The following UGT2B15 variants were observed in gnomAD, a reference collection of about 807,000 sequenced individuals.
UGT2B15 encodes UDP-glucuronosyltransferase 2B15.
Under a neutral mutation model 45.9 loss-of-function variants are expected in UGT2B15, and 36 were observed. That is an observed-to-expected ratio of 0.78 (90% CI 0.60 to 1.04). The LOEUF (loss-of-function observed/expected upper bound fraction) is 1.04. Among genes scored for constraint, UGT2B15 ranks in the 50% least tolerant of loss-of-function variants. The probability of loss-of-function intolerance (pLI) is 0.00; values close to 1 mark genes in which losing one functional copy is unlikely to be tolerated. For missense variants in UGT2B15, 617 were observed against 622.4 expected (o/e 0.99, Z 0.09); for synonymous variants, 219 against 216.4 (o/e 1.01, Z -0.11).
chr4:68,654,733 C>G (rs557390328), intron 4 of UGT2B15, among the ~76,000 whole-genome samples: 1 of 151,650 alleles, frequency 6.6e-6, no homozygotes, highest in African/African-American at 2.4e-5. Context: ...GAAAAGTGTC[C>G]GCTATTTTTC....
intron 3 of UGT2B15, among the ~76,000 whole-genome samples, chr4:68,659,481 T>G (rs146835075): frequency 6.6e-6 from 1 of 152,126 alleles, no homozygotes; most frequent in African/African-American, 2.4e-5. Context: ...GAGCTGTATT[T>G]ATATAAGTAT....
chr4:68,655,331 A>G lies in UGT2B15; in HGVS notation c.1006-149T>C, dbSNP rs1732773361. The G allele has an allele frequency of 1.3e-5, 13 of 1,021,056 alleles. No homozygotes were observed. The South Asian group carries it at 2.1e-4, about 17-fold the overall frequency. The allele number at this position is 1,021,056 out of a possible 1,614,324, so 63.2% of individuals were successfully genotyped here. Reference sequence around the variant, plus strand: ...GTGATGTCAAGTAATGAGAACTACTAAAAGTTTGAGGTAAGTTGAATACCC... The same window carrying G: ...GTGATGTCAAGTAATGAGAACTACTGAAAGTTTGAGGTAAGTTGAATACCC... On this transcript the variant is annotated intron_variant, in intron 3 of 5. Coordinates refer to ENST00000338206, the MANE Select transcript of UGT2B15 (RefSeq NM_001076.4).
Position 68,654,363 on chromosome 4 carries a change from T to C in UGT2B15, c.1094-107A>G. 3 of 1,063,360 alleles carry C rather than the reference T, an allele frequency of 2.8e-6. No homozygotes were observed. The South Asian group carries it at 5.7e-5, about 20-fold the overall frequency. The allele number at this position is 1,063,360 out of a possible 1,614,324, so 65.9% of individuals were successfully genotyped here. A position where few individuals can be genotyped will look rare whatever the true frequency, so the allele number is the denominator to read the frequency against. ...AAGCAAAACTGTTCCCTAGGTAACATTATACCCACAAAACTGCATTGAAAT... is the reference window on the plus strand; with the variant it reads ...AAGCAAAACTGTTCCCTAGGTAACACTATACCCACAAAACTGCATTGAAAT... On this transcript the variant is annotated intron_variant, in intron 4 of 5. Coordinates refer to ENST00000338206, the MANE Select transcript of UGT2B15 (RefSeq NM_001076.4).
At chr4:68,647,718 A>AT (rs879594465) in intron 5 of UGT2B15, among the ~76,000 whole-genome samples, 23 of 151,520 alleles carry the variant, frequency 1.5e-4, no homozygotes, top group South Asian at 1.0e-3. Flanking sequence ...GATCTTTTTA[A>AT]TTTTTTTTTA....
In UGT2B15 at chr4:68,655,101, G is replaced by A. The variant is rs369450796; in HGVS notation, c.1087C>T (p.Leu363Phe). The change falls in exon 4 of 6, where the codon CTT (leucine) becomes TTT (phenylalanine). Residue 363 changes from leucine (L) to phenylalanine (F), a missense_variant. Leu to Phe is a conservative substitution (Grantham distance 22). Transcript: ENST00000338206. ...TTGTTCTCCAGAATCTTACCAAGAA[G>A]GTCATTCTGGGGTAACCACTTGTAC... ...RLYKWLPQND[L>F]LGHPKTKAFI... 5.6e-6 allele frequency: 9 copies of A among 1,612,950 alleles called. No individual in the cohort carries two copies. The African/African-American group carries it at 1.1e-4, about 19-fold the overall frequency.
chr4:68,659,681 T>G (rs1223014609), intron 3 of UGT2B15, among the ~76,000 whole-genome samples: 8 of 152,032 alleles, frequency 5.3e-5, no homozygotes, highest in African/African-American at 9.7e-5. Flanking sequence ...ATTGTTGTCT[T>G]ACTTTGGTCC....
At position 68,647,265 on chromosome 4, in the gene UGT2B15, G is replaced by A. The variant is rs774308500; in HGVS notation, c.1432C>T (p.Arg478Ter). Residue 478 changes from arginine (R) to a stop codon, truncating the protein, a stop_gained, in exon 6 of 6, where the codon CGA becomes TGA. Transcript: ENST00000338206. LOFTEE classifies it low-confidence loss of function (END_TRUNC). ...VMRHKGAKHL[R>*]VAAHNLTWIQ... is the part of the protein sequence containing the mutation. ...CAGGTGAGGTTGTGAGCTGCGACTC[G>A]AAGGTGCTTGGCTCCTTTGTGGCGC... 50 of 1,613,890 alleles carry A rather than the reference G, an allele frequency of 3.1e-5. 2 individuals are homozygous for A. Among genetic ancestry groups the A allele is most frequent in the Admixed American group, 2.7e-4 (16 of 59,982 alleles).
intron 3 of UGT2B15, among the ~76,000 whole-genome samples, chr4:68,660,037 C>T (rs1460985305): frequency 2.0e-5 from 3 of 147,726 alleles, no homozygotes; most frequent in Non-Finnish European, 3.0e-5. Flanking sequence ...TTTCCCTCTA[C>T]CTGATTTTTC....
chr4:68,670,537 C>T lies in UGT2B15; in HGVS notation c.82G>A (p.Val28Met). Residue 28 changes from valine (V) to methionine (M), a missense_variant, in exon 1 of 6, where the codon GTG becomes ATG. Physicochemically the swap from Val to Met is conservative, Grantham distance 21. Coordinates refer to ENST00000338206, the MANE Select transcript of UGT2B15 (RefSeq NM_001076.4). Reference sequence around the variant, plus strand: ...CAATGGCTGTATTCTGTGGGCCACACTAGCACCTTTCCACAGCTTCCAGAG... The same window carrying T: ...CAATGGCTGTATTCTGTGGGCCACATTAGCACCTTTCCACAGCTTCCAGAG... ...FSSGSCGKVL[V>M]WPTEYSHWIN... 4 of 1,610,546 alleles carry T rather than the reference C, an allele frequency of 2.5e-6. No homozygotes were observed. The highest frequency in any genetic ancestry group is 3.4e-6 in the Non-Finnish European group (4 of 1,179,306).
intron 3 of UGT2B15, among the ~76,000 whole-genome samples, chr4:68,660,292 G>C (rs1732925790): frequency 6.7e-6 from 1 of 150,112 alleles, no homozygotes; most frequent in East Asian, 2.0e-4. Context: ...CAGGGTTCCT[G>C]AACTGTGTTA....
In UGT2B15 at chr4:68,655,128, G is replaced by A. The variant is rs760572886; in HGVS notation, c.1060C>T (p.Leu354=). 2.5e-6 allele frequency: 4 copies of A among 1,613,398 alleles called. No individual in the cohort carries two copies. Among genetic ancestry groups the A allele is most frequent in the South Asian group, 2.2e-5 (2 of 91,064 alleles). The change falls in exon 4 of 6, where the codon CTG becomes TTG. Residue 354 remains leucine, a synonymous_variant. Coordinates refer to ENST00000338206, the MANE Select transcript of UGT2B15 (RefSeq NM_001076.4). ...TCATTCTGGGGTAACCACTTGTACA[G>A]TCGAGTATTGGAACCTAAAGTATTT... ...KPNTLGSNTR[L]YKWLPQNDLL... is the part of the protein sequence containing the mutation.
Position 68,656,979 on chromosome 4 carries a change from C to T in UGT2B15, c.1006-1797G>A, listed in dbSNP as rs377460253. Reference sequence around the variant, plus strand: ...TTACTGGAAGTAGTATTGACTGTTGCTATTTTTTTCCTCCTAGGAAGTTGT... The same window carrying T: ...TTACTGGAAGTAGTATTGACTGTTGTTATTTTTTTCCTCCTAGGAAGTTGT... On this transcript the variant is annotated intron_variant, in intron 3 of 5. Transcript: ENST00000338206. Among the ~76,000 whole-genome samples, 515 of 151,256 alleles carry T rather than the reference C, an allele frequency of 3.4e-3. 5 individuals carry two copies. Among genetic ancestry groups the T allele is most frequent in the African/African-American group, 0.011 (461 of 40,732 alleles).
intron 3 of UGT2B15, among the ~76,000 whole-genome samples, chr4:68,660,576 C>G (rs1429870002): frequency 1.3e-5 from 2 of 151,554 alleles, no homozygotes; most frequent in Non-Finnish European, 2.9e-5. Flanking sequence ...CATGGTTTGT[C>G]TTTAGTAAAA....
rs1199703502 is a variant in UGT2B15, at chr4:68,646,993, G to A, written c.*111C>T. 3 of 1,485,574 alleles carry A rather than the reference G, an allele frequency of 2.0e-6. No homozygotes were observed. Among genetic ancestry groups the A allele is most frequent in the Admixed American group, 2.3e-5 (1 of 44,132 alleles). The allele number at this position is 1,485,574 out of a possible 1,614,324, so 92.0% of individuals were successfully genotyped here. Reference sequence around the variant, plus strand: ...ATTTTGTCTTAACAAGGTAAGTTGTGAAAAGATGTTTTGTCACAGGAAAAA... The same window carrying A: ...ATTTTGTCTTAACAAGGTAAGTTGTAAAAAGATGTTTTGTCACAGGAAAAA... On this transcript the variant is annotated 3_prime_UTR_variant, in exon 6 of 6. Transcript: ENST00000338206.
At chr4:68,667,038 C>T (rs1172079810) in intron 2 of UGT2B15, among the ~76,000 whole-genome samples, 17 of 151,836 alleles carry the variant, frequency 1.1e-4, no homozygotes, top group Non-Finnish European at 1.9e-4. Flanking sequence ...TAAGCCACCA[C>T]GCCCGGCCCA....
At chr4:68,649,832 T>A (rs1441758579) in intron 5 of UGT2B15, among the ~76,000 whole-genome samples, 1 of 151,858 alleles carries the variant, frequency 6.6e-6, no homozygotes, top group Non-Finnish European at 1.5e-5. Context: ...ACTTTTTTGT[T>A]TTTTTGCTTT....
At position 68,668,173 on chromosome 4, in the gene UGT2B15, A is replaced by G. The variant is rs746006788; in HGVS notation, c.740T>C (p.Leu247Ser). ...YSEVLGRPTT[L>S]FETMGKAEMW... ...TTCAGCTTTCCCCATTGTCTCAAAT[A>G]ATGTAGTGGGTCTTCCTGATGGAAA... is the stretch of plus-strand genomic sequence containing the variant. Residue 247 changes from leucine (L) to serine (S), a missense_variant, in exon 2 of 6, where the codon TTA (leucine) becomes TCA (serine). Physicochemically the swap from Leu to Ser is moderately radical, Grantham distance 145 (BLOSUM62 -2). Coordinates refer to ENST00000338206, the MANE Select transcript of UGT2B15 (RefSeq NM_001076.4). 59 of 1,611,920 alleles carry G rather than the reference A, an allele frequency of 3.7e-5. No individual in the cohort carries two copies. Among genetic ancestry groups the G allele is most frequent in the Middle Eastern group, 1.6e-4 (1 of 6,068 alleles).
At chr4:68,661,273 C>T (rs1483406938) in intron 3 of UGT2B15, among the ~76,000 whole-genome samples, 2 of 152,050 alleles carry the variant, frequency 1.3e-5, no homozygotes, top group African/African-American at 4.8e-5. Context: ...TATCTGATTG[C>T]CTCCTTGGAG....
intron 5 of UGT2B15, among the ~76,000 whole-genome samples, chr4:68,650,993 TTG>T (rs1491133244): frequency 8.2e-4 from 49 of 59,556 alleles, no homozygotes; most frequent in African/African-American, 1.9e-3. Context: ...TTTGATGGTG[TTG>T]TTTTTTTTTT....
Sources: gnomAD v4.1 joint callset for allele counts (sites outside exome capture counted in the v4.1 genomes callset) on GRCh38, gnomAD v4.1.1 for gene constraint, MANE v1.5 for transcripts, NCBI Gene and HGNC (gene_info 2026-07-23, HGNC 2026-07-21) for gene names.